Variants in DPY19L2 observed in about 807,000 individuals in gnomAD.
DPY19L2 encodes dpy-19 like 2.
DPY19L2 carries 34 observed loss-of-function variants against 97.9 expected under a neutral mutation model. The ratio of observed to expected loss-of-function variants is 0.35; its 90% CI spans 0.26 to 0.46. DPY19L2 has a LOEUF of 0.46. DPY19L2 is among the 20% of genes least tolerant of loss of function. DPY19L2 has a pLI of 1.00. For synonymous variants in DPY19L2, 230 were observed against 307.9 expected (o/e 0.75, Z 2.65); for missense variants, 623 against 911.4 (o/e 0.68, Z 4.07).
intron 14 of DPY19L2, among the ~76,000 whole-genome samples, chr12:63,596,822 A>G (rs1313506826): frequency 1.3e-5 from 2 of 152,164 alleles, no homozygotes; most frequent in Non-Finnish European, 2.9e-5. Context: ...GAGTTCTAGA[A>G]TCCATTAGAA....
In DPY19L2 at chr12:63,607,822, G is replaced by A. The variant is rs557521874; in HGVS notation, c.1278+794C>T. 7.6e-4 allele frequency among the ~76,000 whole-genome samples: 115 copies of A among 152,032 alleles called. No homozygotes were observed. In the Middle Eastern group the frequency reaches 0.017, roughly 22 times the overall value. On this transcript the variant is annotated intron_variant, in intron 12 of 21. Coordinates refer to ENST00000324472, the MANE Select transcript of DPY19L2 (RefSeq NM_173812.5). ...TAGTTTTTCTATTTTTTGTAGAGATGGGGTTTTGCCGTGTTGCCCAGGCTG... is the reference window on the plus strand; with the variant it reads ...TAGTTTTTCTATTTTTTGTAGAGATAGGGTTTTGCCGTGTTGCCCAGGCTG...
chr12:63,646,977 C>T (rs1426363151), intron 5 of DPY19L2, among the ~76,000 whole-genome samples: 1 of 152,092 alleles, frequency 6.6e-6, no homozygotes, highest in African/African-American at 2.4e-5. Flanking sequence ...TGTATCTTCT[C>T]ATTCTGAAAT....
At chr12:63,589,357 CA>C (rs71086687) in intron 16 of DPY19L2, among the ~76,000 whole-genome samples, 3 of 18,992 alleles carry the variant, frequency 1.6e-4, no homozygotes, top group African/African-American at 2.9e-4. Flanking sequence ...AAATGTGTTG[CA>C]AAAAAAAAAA....
rs150144215 is a variant in DPY19L2, at chr12:63,594,303, C to T, written c.1534-170G>A. 2.7e-3 allele frequency among the ~76,000 whole-genome samples: 407 copies of T among 152,110 alleles called. 2 individuals are homozygous for T. Among genetic ancestry groups the T allele is most frequent in the African/African-American group, 8.4e-3 (350 of 41,488 alleles). Reference sequence around the variant, plus strand: ...TATAGATGCCTTCCTTTTCTCCTTCCGAGAAGTGACTTCACATCATTGAAA... The same window carrying T: ...TATAGATGCCTTCCTTTTCTCCTTCTGAGAAGTGACTTCACATCATTGAAA... On this transcript the variant is annotated intron_variant, in intron 15 of 21. Transcript: ENST00000324472.
intron 6 of DPY19L2, among the ~76,000 whole-genome samples, chr12:63,629,717 G>A (rs1191489670): frequency 3.3e-5 from 5 of 151,942 alleles, no homozygotes; most frequent in Admixed American, 1.3e-4. Flanking sequence ...TACAGAGAAC[G>A]CCACAAAGAT....
chr12:63,581,934 G>A (rs1881005197), intron 18 of DPY19L2, among the ~76,000 whole-genome samples: 1 of 150,748 alleles, frequency 6.6e-6, no homozygotes, highest in African/African-American at 2.5e-5. Context: ...CCAGGTAGCT[G>A]GAATTACAGG....
chr12:63,622,723 C>T (rs1167773459), intron 8 of DPY19L2, among the ~76,000 whole-genome samples: 4 of 151,972 alleles, frequency 2.6e-5, no homozygotes, highest in African/African-American at 9.7e-5. Context: ...GTCAGGAGTT[C>T]GAGACTAGCC....
intron 4 of DPY19L2, among the ~76,000 whole-genome samples, chr12:63,658,408 C>T (rs1005173891): frequency 5.9e-5 from 9 of 152,056 alleles, no homozygotes; most frequent in African/African-American, 1.9e-4. Context: ...GATGGAGAAT[C>T]GCTTGAACCC....
In DPY19L2 at chr12:63,600,792, T is replaced by G. The variant is rs540411932; in HGVS notation, c.1279-406A>C. 4.8e-5 allele frequency among the ~76,000 whole-genome samples: 6 copies of G among 124,250 alleles called. No individual in the cohort carries two copies. The South Asian group carries it at 1.3e-3, about 27-fold the overall frequency. The allele number at this position is 124,250 out of a possible 152,430, so 81.5% of individuals were successfully genotyped here. A position where few individuals can be genotyped will look rare whatever the true frequency, so the allele number is the denominator to read the frequency against. Reference sequence around the variant, plus strand: ...ATATCCTAAATCTAAAGGAAGTTTTTTTTTTTTTTTTGAGAGGGAGTCTCT... The same window carrying G: ...ATATCCTAAATCTAAAGGAAGTTTTGTTTTTTTTTTTGAGAGGGAGTCTCT... On this transcript the variant is annotated intron_variant, in intron 12 of 21. Coordinates refer to ENST00000324472, the MANE Select transcript of DPY19L2 (RefSeq NM_173812.5).
chr12:63,575,923 A>T (rs1225636653), intron 19 of DPY19L2, among the ~76,000 whole-genome samples: 1 of 152,046 alleles, frequency 6.6e-6, no homozygotes. Context: ...GGAAGAGGGA[A>T]TACTTCCAAA....
chr12:63,567,043 G>A (rs1207628204), intron 21 of DPY19L2, among the ~76,000 whole-genome samples: 4 of 152,000 alleles, frequency 2.6e-5, no homozygotes, highest in African/African-American at 4.8e-5. Context: ...GACATATAAC[G>A]ATAAATTACT....
At chr12:63,572,848 G>C (rs113901312) in intron 19 of DPY19L2, among the ~76,000 whole-genome samples, 1 of 152,108 alleles carries the variant, frequency 6.6e-6, no homozygotes, top group Non-Finnish European at 1.5e-5. Flanking sequence ...GTACCTCTAA[G>C]AGTCTGCAAT....
At chr12:63,590,762 C>T (rs547920297) in intron 16 of DPY19L2, among the ~76,000 whole-genome samples, 1 of 151,892 alleles carries the variant, frequency 6.6e-6, no homozygotes, top group South Asian at 2.1e-4. Context: ...GGGAGTATTC[C>T]CTCTCTTTTT....
intron 16 of DPY19L2, among the ~76,000 whole-genome samples, chr12:63,590,064 G>T (rs1882620245): frequency 6.6e-6 from 1 of 151,958 alleles, no homozygotes; most frequent in Non-Finnish European, 1.5e-5. Context: ...GGAGGCAGAG[G>T]TTGCAGTGAG....
At chr12:63,629,150 T>G (rs1408310813) in intron 6 of DPY19L2, among the ~76,000 whole-genome samples, 1 of 151,972 alleles carries the variant, frequency 6.6e-6, no homozygotes, top group East Asian at 1.9e-4. Flanking sequence ...ACTCTAAAAA[T>G]CAGAGTGCCT....
At chr12:63,666,381 C>T (rs1027918073) in intron 1 of DPY19L2, 42 of 229,446 alleles carry the variant, frequency 1.8e-4, no homozygotes, top group Admixed American at 3.8e-4. Context: ...TTTCCAAGAG[C>T]CCAGACCTAG....
chr12:63,664,685 A>C (rs1187871146), intron 2 of DPY19L2, among the ~76,000 whole-genome samples: 2 of 152,208 alleles, frequency 1.3e-5, no homozygotes, highest in Non-Finnish European at 2.9e-5. Context: ...AGAAAGGAGC[A>C]TATGTGATAA....
Position 63,559,401 on chromosome 12 carries a change from T to C in DPY19L2, c.*1111A>G, listed in dbSNP as rs12319634. 71,818 of 152,112 alleles carry C rather than the reference T, an allele frequency of 0.47. 18,055 individuals carry two copies. The highest frequency in any genetic ancestry group is 0.65 in the African/African-American group (26,826 of 41,408). The allele number at this position is 152,112 out of a possible 1,614,324, so 9.4% of individuals were successfully genotyped here. On this transcript the variant is annotated 3_prime_UTR_variant, in exon 22 of 22. Transcript: ENST00000324472. ...AAAGTAGATGCACATTAAAATACTATAGATCTGGCATATTTCATATTTATA... is the reference window on the plus strand; with the variant it reads ...AAAGTAGATGCACATTAAAATACTACAGATCTGGCATATTTCATATTTATA...
intron 4 of DPY19L2, among the ~76,000 whole-genome samples, chr12:63,659,130 G>C (rs1895347936): frequency 6.6e-6 from 1 of 152,092 alleles, no homozygotes. Context: ...ATTACAGACT[G>C]TATCATCATG....
Sources: allele counts gnomAD v4.1 joint callset (sites outside exome capture counted in the v4.1 genomes callset), GRCh38; gene constraint gnomAD v4.1.1; transcripts MANE v1.5; gene names NCBI Gene and HGNC (gene_info 2026-07-23, HGNC 2026-07-21).